The following GRIN2B variants were observed in gnomAD, a reference collection of about 807,000 sequenced individuals.
The protein encoded by GRIN2B is glutamate receptor ionotropic, NMDA 2B.
GRIN2B carries 5 observed loss-of-function variants against 114.5 expected under a neutral mutation model. The observed-to-expected ratio is 0.04, with a 90% CI of 0.02 to 0.09. GRIN2B has a LOEUF of 0.09. Among genes scored for constraint, GRIN2B ranks in the 10% least tolerant of loss-of-function variants. GRIN2B has a pLI of 1.00. For synonymous variants in GRIN2B, 787 were observed against 745.1 expected, an observed-to-expected ratio of 1.06 and a Z score of -0.92; for missense variants, 1,108 against 1,943.5, an observed-to-expected ratio of 0.57 and a Z score of 8.08.
intron 4 of GRIN2B, among the ~76,000 whole-genome samples, chr12:13,752,342 C>A (rs905430454): frequency 3.3e-5 from 5 of 152,174 alleles, no homozygotes; most frequent in Admixed American, 6.5e-5. Context: ...AGCAAGTATA[C>A]TTATATTTCC....
At chr12:13,738,624 T>C (rs1345337457) in intron 4 of GRIN2B, among the ~76,000 whole-genome samples, 1 of 152,170 alleles carries the variant, frequency 6.6e-6, no homozygotes, top group Non-Finnish European at 1.5e-5. Context: ...AAATCACAAT[T>C]TTCAGACTAG....
chr12:13,733,959 T>C (rs1863135597), intron 4 of GRIN2B, among the ~76,000 whole-genome samples: 1 of 152,124 alleles, frequency 6.6e-6, no homozygotes. Flanking sequence ...AGCAAATTAG[T>C]GACAAAGCTG....
intron 10 of GRIN2B, among the ~76,000 whole-genome samples, chr12:13,579,553 GTTACTATCATTA>G (rs1348579556): frequency 6.6e-6 from 1 of 152,186 alleles, no homozygotes; most frequent in African/African-American, 2.4e-5. Flanking sequence ...GTTAGCTATT[GTTACTATCATTA>G]TTACTATCAT....
intron 10 of GRIN2B, among the ~76,000 whole-genome samples, chr12:13,580,163 G>C (rs971439193): frequency 6.6e-6 from 1 of 152,198 alleles, no homozygotes; most frequent in African/African-American, 2.4e-5. Context: ...CTGATCAGCT[G>C]TCACCCAGTC....
chr12:13,712,173 G>A (rs1167454372), intron 4 of GRIN2B, among the ~76,000 whole-genome samples: 2 of 130,458 alleles, frequency 1.5e-5, no homozygotes, highest in Non-Finnish European at 3.1e-5. Context: ...GGTGGGAATT[G>A]AACAATGAGA....
intron 2 of GRIN2B, among the ~76,000 whole-genome samples, chr12:13,950,945 G>A (rs1350377708): frequency 1.3e-5 from 2 of 152,150 alleles, no homozygotes; most frequent in African/African-American, 4.8e-5. Flanking sequence ...GACCAGGGAA[G>A]AGAAAAATGA....
chr12:13,964,325 C>A (rs562695482), intron 2 of GRIN2B, among the ~76,000 whole-genome samples: 18 of 152,304 alleles, frequency 1.2e-4, no homozygotes, highest in African/African-American at 4.3e-4. Flanking sequence ...CAAATCTCAG[C>A]TCCTGGTTTG....
At chr12:13,891,478 A>G (rs1866261624) in intron 2 of GRIN2B, among the ~76,000 whole-genome samples, 2 of 152,224 alleles carry the variant, frequency 1.3e-5, no homozygotes, top group African/African-American at 2.4e-5. Flanking sequence ...TGTGCCACCA[A>G]TGCAATGAGG....
intron 3 of GRIN2B, among the ~76,000 whole-genome samples, chr12:13,855,088 C>T (rs566130189): frequency 1.7e-3 from 244 of 145,204 alleles, no homozygotes; most frequent in African/African-American, 6.2e-3. Flanking sequence ...CGTGGTGGTG[C>T]ATGCCTGTAA....
intron 2 of GRIN2B, among the ~76,000 whole-genome samples, chr12:13,965,748 T>C (rs1247543886): frequency 6.6e-6 from 1 of 152,244 alleles, no homozygotes; most frequent in Non-Finnish European, 1.5e-5. Flanking sequence ...AATATAAAAA[T>C]GATATGCTTT....
chr12:13,731,874 T>C (rs1259196771), intron 4 of GRIN2B, among the ~76,000 whole-genome samples: 4 of 152,198 alleles, frequency 2.6e-5, no homozygotes, highest in Non-Finnish European at 5.9e-5. Flanking sequence ...AAAATAACCA[T>C]TTATCATAAC....
At chr12:13,607,203 A>ATATAAAAT (rs1949267350) in intron 10 of GRIN2B, among the ~76,000 whole-genome samples, 1 of 109,332 alleles carries the variant, frequency 9.1e-6, no homozygotes, top group African/African-American at 3.7e-5. Flanking sequence ...AAATATATAT[A>ATATAAAAT]ATATATAAAA....
chr12:13,938,353 T>C (rs1476479152), intron 2 of GRIN2B, among the ~76,000 whole-genome samples: 2 of 152,078 alleles, frequency 1.3e-5, no homozygotes, highest in East Asian at 1.9e-4. Flanking sequence ...AAGGAATATA[T>C]GGGTTAAAGT....
At chr12:13,850,258 G>A (rs561343156) in intron 3 of GRIN2B, among the ~76,000 whole-genome samples, 55 of 152,184 alleles carry the variant, frequency 3.6e-4, no homozygotes, top group Non-Finnish European at 6.0e-4. Flanking sequence ...CATCTACTGA[G>A]ATGGAATCCT....
At chr12:13,958,312 C>G (rs1026711956) in intron 2 of GRIN2B, among the ~76,000 whole-genome samples, 2 of 152,112 alleles carry the variant, frequency 1.3e-5, no homozygotes, top group Non-Finnish European at 2.9e-5. Context: ...AAGCATGGGA[C>G]CCCGGAATTC....
rs10431310 is a variant in GRIN2B, at chr12:13,958,698, C to T, written c.-19+21230G>A. Among the ~76,000 whole-genome samples, 38 of 152,262 alleles carry T rather than the reference C, an allele frequency of 2.5e-4. No homozygotes were observed. The East Asian group carries it at 6.2e-3, about 25-fold the overall frequency. On this transcript the variant is annotated intron_variant, in intron 2 of 13. Coordinates refer to ENST00000609686, the MANE Select transcript of GRIN2B (RefSeq NM_000834.5). ...GGCAAGCCCAGATTTGCTTCCTCCT[C>T]CTCCCTCCACTCTTCCTCCTCCATG... is the stretch of plus-strand genomic sequence containing the variant.
At chr12:13,579,936 G>A (rs1948824629) in intron 10 of GRIN2B, among the ~76,000 whole-genome samples, 1 of 152,158 alleles carries the variant, frequency 6.6e-6, no homozygotes, top group Admixed American at 6.5e-5. Flanking sequence ...GGTGGCGATG[G>A]GGCGTTAACA....
intron 4 of GRIN2B, among the ~76,000 whole-genome samples, chr12:13,686,132 C>A (rs1285824581): frequency 6.6e-6 from 1 of 152,120 alleles, no homozygotes; most frequent in African/African-American, 2.4e-5. Flanking sequence ...CTTTAAGTTT[C>A]ACTCTAACGC....
intron 2 of GRIN2B, among the ~76,000 whole-genome samples, chr12:13,900,684 T>A (rs1565580216): frequency 6.6e-6 from 1 of 152,158 alleles, no homozygotes; most frequent in Non-Finnish European, 1.5e-5. Flanking sequence ...ATCGTATTCT[T>A]CCTTTTCTTT....
Sources: gnomAD v4.1 joint callset for allele counts (sites outside exome capture counted in the v4.1 genomes callset) on GRCh38, gnomAD v4.1.1 for gene constraint, MANE v1.5 for transcripts, NCBI Gene and HGNC (gene_info 2026-07-23, HGNC 2026-07-21) for gene names.